ENPP3: variants seen among roughly 807,000 people sequenced by gnomAD.
ENPP3 encodes the protein ectonucleotide pyrophosphatase/phosphodiesterase family member 3.
A neutral mutation model predicts 117.8 loss-of-function variants in ENPP3; 104 were observed. The observed-to-expected ratio is 0.88, with a 90% CI of 0.75 to 1.04. The LOEUF is 1.04. ENPP3 is among the 50% of genes least tolerant of loss of function. ENPP3 has a pLI of 0.00. For synonymous variants in ENPP3, 380 were observed against 349.9 expected (o/e 1.09, Z -0.96); for missense variants, 1,026 against 1,051.9 (o/e 0.98, Z 0.34).
chr6:131,715,244 T>C (rs1373042073), intron 15 of ENPP3, among the ~76,000 whole-genome samples: 1 of 151,040 alleles, frequency 6.6e-6, no homozygotes, highest in Non-Finnish European at 1.5e-5. Context: ...CTGTGTGTGT[T>C]ATTTTTGGGT....
Position 131,693,554 on chromosome 6 carries a change from C to G in ENPP3, c.1342C>G (p.Leu448Val), listed in dbSNP as rs1177951083. The change falls in exon 15 of 25, where the codon CTG (leucine) becomes GTG (valine). Residue 448 changes from leucine to valine, a missense_variant. Leu to Val is a conservative substitution (Grantham distance 32). Coordinates refer to ENST00000357639, the MANE Select transcript of ENPP3 (RefSeq NM_005021.5). ...TTTGACTCCTGATTTGCCAAAGCGA[C>G]TGCACTATGCCAAGAACGTCAGAAT... ...PYLTPDLPKRLHYAKNVRIDK... is the reference protein window; with the variant it reads ...PYLTPDLPKRVHYAKNVRIDK... 6.2e-7 allele frequency: 1 copy of G among 1,613,830 alleles called. No individual in the cohort carries two copies. Among genetic ancestry groups the G allele is most frequent in the Non-Finnish European group, 8.5e-7 (1 of 1,179,840 alleles).
chr6:131,679,997 T>G (rs1463974430), intron 11 of ENPP3, among the ~76,000 whole-genome samples: 2 of 152,074 alleles, frequency 1.3e-5, no homozygotes, highest in Non-Finnish European at 2.9e-5. Flanking sequence ...GCCTTGCAGG[T>G]CCTTGCAGTC....
At chr6:131,685,338 GT>G in intron 12 of ENPP3, 25 bp from the exon 13 acceptor site, 1 of 1,586,376 alleles carries the variant, frequency 6.3e-7, no homozygotes. Context: ...CATTCAGTGG[GT>G]TATTATGATT....
At chr6:131,717,349 GGGGTGTGT>G (rs57226939) in intron 15 of ENPP3, among the ~76,000 whole-genome samples, 14,862 of 126,512 alleles carry the variant, frequency 0.12, 1,161 homozygotes, top group Middle Eastern at 0.15. Context: ...AACCCTGCGG[GGGGTGTGT>G]GTGTGTGTGT....
In ENPP3 at chr6:131,693,483, T is replaced by C. The variant is rs558757895; in HGVS notation, c.1285-14T>C. 6.3e-4 allele frequency: 1,009 copies of C among 1,605,552 alleles called. 8 individuals are homozygous for C. In the South Asian group the frequency reaches 0.011, roughly 17 times the overall value. On this transcript the variant is annotated splice_polypyrimidine_tract_variant and intron_variant, in intron 14 of 24. Coordinates refer to ENST00000357639, the MANE Select transcript of ENPP3 (RefSeq NM_005021.5). ...ATCTTATGTATCATAAAGAAATATT[T>C]ACTTGCTTTTCAGTGCCGAAAACCT...
At chr6:131,652,927 T>G in intron 5 of ENPP3, 36 bp downstream of exon 5, 1 of 1,392,660 alleles carries the variant, frequency 7.2e-7, no homozygotes, top group Non-Finnish European at 1.0e-6. Flanking sequence ...TTATCCTCCT[T>G]TAACAAAGGT....
intron 21 of ENPP3, among the ~76,000 whole-genome samples, chr6:131,736,130 G>C (rs902844836): frequency 6.6e-6 from 1 of 152,258 alleles, no homozygotes; most frequent in Non-Finnish European, 1.5e-5. Flanking sequence ...GCAGCTGTGA[G>C]CAGCGGAGCT....
chr6:131,641,430 A>G (rs1452950812), intron 1 of ENPP3, 25 bp from the exon 2 acceptor site: 5 of 1,538,228 alleles, frequency 3.3e-6, no homozygotes, highest in Non-Finnish European at 4.5e-6. Context: ...AAATTATAAA[A>G]GTTACTTTTT....
intron 7 of ENPP3, among the ~76,000 whole-genome samples, chr6:131,671,978 T>C (rs1778752998): frequency 6.6e-6 from 1 of 152,214 alleles, no homozygotes; most frequent in Admixed American, 6.5e-5. Flanking sequence ...AATCTTTTAT[T>C]ACTATGGAAC....
intron 6 of ENPP3, 25 bp downstream of exon 6, chr6:131,658,445 T>C (rs1181218681): frequency 9.0e-6 from 11 of 1,223,868 alleles, no homozygotes; most frequent in Non-Finnish European, 1.3e-5. Flanking sequence ...ACTAGTGGCA[T>C]GCAAATGATA....
intron 2 of ENPP3, among the ~76,000 whole-genome samples, chr6:131,642,019 T>C (rs897637838): frequency 5.9e-5 from 9 of 151,828 alleles, no homozygotes; most frequent in African/African-American, 2.2e-4. Context: ...GGTCTCGAGC[T>C]CCCGGGCTCA....
At chr6:131,688,021 G>C (rs960792669) in intron 14 of ENPP3, among the ~76,000 whole-genome samples, 4 of 152,102 alleles carry the variant, frequency 2.6e-5, no homozygotes, top group Non-Finnish European at 5.9e-5. Context: ...TCTATCCAGT[G>C]CTATTTTTTC....
At chr6:131,656,084 A>G (rs1349682669) in intron 5 of ENPP3, among the ~76,000 whole-genome samples, 3 of 152,178 alleles carry the variant, frequency 2.0e-5, no homozygotes, top group Admixed American at 6.5e-5. Context: ...CTATTTTGCT[A>G]GTGATCATAG....
intron 6 of ENPP3, among the ~76,000 whole-genome samples, chr6:131,659,703 T>C (rs1194778871): frequency 6.6e-6 from 1 of 152,200 alleles, no homozygotes; most frequent in Non-Finnish European, 1.5e-5. Flanking sequence ...CCTCATTCCC[T>C]GAGGCAGATC....
intron 14 of ENPP3, 28 bp downstream of exon 14, chr6:131,685,935 T>C (rs926655882): frequency 1.5e-5 from 11 of 715,508 alleles, no homozygotes; most frequent in African/African-American, 1.8e-5. Context: ...TTAATACATA[T>C]ATTTAAGTTA....
chr6:131,743,267 T>A (rs939150517), intron 24 of ENPP3, among the ~76,000 whole-genome samples: 3 of 148,134 alleles, frequency 2.0e-5, no homozygotes, highest in African/African-American at 7.6e-5. Flanking sequence ...TAGTTGAATA[T>A]TTAGGAGGAT....
intron 15 of ENPP3, among the ~76,000 whole-genome samples, chr6:131,715,242 G>A (rs1410974816): frequency 5.0e-4 from 76 of 151,268 alleles, no homozygotes; most frequent in Non-Finnish European, 1.8e-4. Context: ...GTCTGTGTGT[G>A]TTATTTTTGG....
intron 20 of ENPP3, among the ~76,000 whole-genome samples, chr6:131,728,032 G>T (rs1202781814): frequency 1.3e-5 from 2 of 152,122 alleles, no homozygotes; most frequent in African/African-American, 4.8e-5. Context: ...GTTCGATTGT[G>T]GTCACTGGTA....
chr6:131,678,962 C>CTTTCTTTCTTTCTTTCTTTCTTTCT (rs1562446616), intron 11 of ENPP3, among the ~76,000 whole-genome samples: 1 of 41,292 alleles, frequency 2.4e-5, no homozygotes, highest in East Asian at 6.8e-4. Flanking sequence ...TCTTTCTTTC[C>CTTTCTTTCTTTCTTTCTTTCTTTCT]TTCCTTCCTT....
Sources: gnomAD v4.1 joint callset for allele counts (sites outside exome capture counted in the v4.1 genomes callset) on GRCh38, gnomAD v4.1.1 for gene constraint, MANE v1.5 for transcripts, NCBI Gene and HGNC (gene_info 2026-07-23, HGNC 2026-07-21) for gene names.